Variants in PAX5 observed in about 807,000 individuals in gnomAD.
PAX5 encodes the protein paired box protein Pax-5.
PAX5 carries 9 observed loss-of-function variants against 43.7 expected under a neutral mutation model. The observed-to-expected ratio is 0.21, with a 90% CI of 0.12 to 0.36. The LOEUF (loss-of-function observed/expected upper bound fraction) is 0.36, where lower values mean the gene tolerates loss of function less well. PAX5 is among the 10% of genes least tolerant of loss of function. The pLI, the probability that PAX5 is intolerant of heterozygous loss-of-function variation, is 1.00. For missense variants in PAX5, 383 were observed against 532.7 expected, an observed-to-expected ratio of 0.72 and a Z score of 2.77; for synonymous variants, 228 against 214.3, an observed-to-expected ratio of 1.06 and a Z score of -0.56.
intron 7 of PAX5, among the ~76,000 whole-genome samples, chr9:36,889,041 A>G (rs529583525): frequency 6.6e-6 from 1 of 152,330 alleles, no homozygotes; most frequent in African/African-American, 2.4e-5. Flanking sequence ...GAGTGTAACA[A>G]TGGTACTCTC....
intron 4 of PAX5, 24 bp downstream of exon 4, chr9:37,006,449 A>C (rs770122775): frequency 6.3e-7 from 1 of 1,581,674 alleles, no homozygotes; most frequent in East Asian, 2.2e-5. Context: ...AGATTTTTAA[A>C]TTTTTTTTAA....
At chr9:36,902,996 G>GCC (rs944542337) in intron 7 of PAX5, among the ~76,000 whole-genome samples, 1 of 152,142 alleles carries the variant, frequency 6.6e-6, no homozygotes, top group African/African-American at 2.4e-5. Flanking sequence ...CTGCTGGCCT[G>GCC]CCCCGGGACC....
intron 8 of PAX5, among the ~76,000 whole-genome samples, chr9:36,848,797 G>C (rs1439511433): frequency 6.6e-6 from 1 of 152,176 alleles, no homozygotes; most frequent in African/African-American, 2.4e-5. Flanking sequence ...AAGCCTCCCA[G>C]ATCTCCAGCC....
rs2812325 is a variant in PAX5 at position 36,836,270 on chromosome 9, A to G, written c.*4290T>C. 228,941 of 233,514 alleles carry G rather than the reference A, an allele frequency of 0.98. 112,366 individuals carry two copies. The highest frequency in any genetic ancestry group is 1 in the East Asian group (16,566 of 16,568). The allele number at this position is 233,514 out of a possible 1,614,324, so 14.5% of individuals were successfully genotyped here. On this transcript the variant is annotated 3_prime_UTR_variant, in exon 10 of 10. Coordinates refer to ENST00000358127, the MANE Select transcript of PAX5 (RefSeq NM_016734.3). ...CCCAACTCCATCTTCAAAGCGCAAGACTTGCAAGAGCCCAAGATGAGGCCT... is the reference window on the plus strand; with the variant it reads ...CCCAACTCCATCTTCAAAGCGCAAGGCTTGCAAGAGCCCAAGATGAGGCCT...
intron 7 of PAX5, among the ~76,000 whole-genome samples, chr9:36,908,728 T>C (rs10814473): frequency 0.6 from 91,224 of 152,104 alleles, 30,358 homozygotes; most frequent in East Asian, 0.75. Context: ...GTGGGCTGGA[T>C]GCTGGAGGCC....
chr9:36,833,983 G>T lies in PAX5; in HGVS notation c.*6577C>A, dbSNP rs932724684. ...GTCAGTCCCTAAGACAAAATCAAAT[G>T]TCTCAAAGAATTAAAAGCAAAATGC... On this transcript the variant is annotated 3_prime_UTR_variant, in exon 10 of 10. Transcript: ENST00000358127. The T allele has an allele frequency of 8.6e-6, 2 of 232,506 alleles. No individual in the cohort carries two copies. The highest frequency in any genetic ancestry group is 1.7e-5 in the Non-Finnish European group (2 of 117,738). The allele number at this position is 232,506 out of a possible 1,614,324, so 14.4% of individuals were successfully genotyped here. A position where few individuals can be genotyped will look rare whatever the true frequency, so the allele number is the denominator to read the frequency against.
At chr9:36,910,516 T>C (rs901725826) in intron 7 of PAX5, among the ~76,000 whole-genome samples, 2 of 152,078 alleles carry the variant, frequency 1.3e-5, no homozygotes, top group Non-Finnish European at 2.9e-5. Context: ...TTTTTTTAAG[T>C]TTAAAAAACT....
intron 7 of PAX5, among the ~76,000 whole-genome samples, chr9:36,890,294 T>C (rs1048112941): frequency 1.3e-5 from 2 of 152,152 alleles, no homozygotes; most frequent in Admixed American, 6.5e-5. Flanking sequence ...TGGTGATGGC[T>C]TGATGGCCCG....
chr9:36,916,902 C>G (rs1448034174), intron 7 of PAX5, among the ~76,000 whole-genome samples: 1 of 152,116 alleles, frequency 6.6e-6, no homozygotes, highest in Non-Finnish European at 1.5e-5. Context: ...CCAGGCTGAT[C>G]TCAAACTCCT....
chr9:36,850,987 G>C (rs1251931982), intron 8 of PAX5, among the ~76,000 whole-genome samples: 1 of 152,218 alleles, frequency 6.6e-6, no homozygotes, highest in Non-Finnish European at 1.5e-5. Context: ...AGGCAGGTGG[G>C]CATGTGGTGG....
chr9:36,881,702 G>A (rs542005707), intron 8 of PAX5, among the ~76,000 whole-genome samples: 4 of 151,932 alleles, frequency 2.6e-5, no homozygotes, highest in African/African-American at 7.3e-5. Flanking sequence ...GCTCCACACC[G>A]GCTGGGTGAC....
chr9:36,890,669 G>A (rs1452303375), intron 7 of PAX5, among the ~76,000 whole-genome samples: 1 of 152,152 alleles, frequency 6.6e-6, no homozygotes, highest in Non-Finnish European at 1.5e-5. Context: ...GGAAAAGAAG[G>A]TGGGTATCAA....
intron 6 of PAX5, among the ~76,000 whole-genome samples, chr9:36,963,820 C>T (rs1834175172): frequency 6.6e-6 from 1 of 152,098 alleles, no homozygotes; most frequent in African/African-American, 2.4e-5. Context: ...CTGCAGAGGC[C>T]AGGTGGAGTG....
At chr9:36,867,945 C>T (rs1170455466) in intron 8 of PAX5, among the ~76,000 whole-genome samples, 2 of 152,216 alleles carry the variant, frequency 1.3e-5, no homozygotes, top group African/African-American at 2.4e-5. Context: ...TTCCAGCCTC[C>T]CAGCCTGGTT....
At chr9:37,025,188 G>A (rs1840216531) in intron 1 of PAX5, among the ~76,000 whole-genome samples, 1 of 152,274 alleles carries the variant, frequency 6.6e-6, no homozygotes, top group African/African-American at 2.4e-5. Flanking sequence ...GCTCCCCACC[G>A]CTTTGGTGGA....
At chr9:36,917,572 C>T (rs186384950) in intron 7 of PAX5, among the ~76,000 whole-genome samples, 1 of 152,224 alleles carries the variant, frequency 6.6e-6, no homozygotes, top group Non-Finnish European at 1.5e-5. Flanking sequence ...GCCCTTTGGC[C>T]AGCTGGCCAC....
intron 5 of PAX5, among the ~76,000 whole-genome samples, chr9:36,968,269 G>A (rs111752515): frequency 1.1e-4 from 17 of 152,302 alleles, no homozygotes; most frequent in African/African-American, 2.4e-4. Context: ...GACTTCATCC[G>A]TCACGTCAAG....
intron 7 of PAX5, among the ~76,000 whole-genome samples, chr9:36,899,745 A>C (rs563663525): frequency 6.6e-6 from 1 of 152,248 alleles, no homozygotes; most frequent in Non-Finnish European, 1.5e-5. Context: ...ATCCTCTGCA[A>C]GTCACTCAAG....
At chr9:36,867,094 A>G (rs1178318336) in intron 8 of PAX5, among the ~76,000 whole-genome samples, 1 of 151,052 alleles carries the variant, frequency 6.6e-6, no homozygotes, top group African/African-American at 2.4e-5. Flanking sequence ...CCTGCTTCCC[A>G]AGGCTAGATT....
Sources: gnomAD v4.1 joint callset for allele counts (sites outside exome capture counted in the v4.1 genomes callset) on GRCh38, gnomAD v4.1.1 for gene constraint, MANE v1.5 for transcripts, NCBI Gene and HGNC (gene_info 2026-07-23, HGNC 2026-07-21) for gene names.